Variants in DDX10 observed in about 807,000 individuals in gnomAD.
DDX10 encodes probable ATP-dependent RNA helicase DDX10.
DDX10 carries 74 observed loss-of-function variants against 104.3 expected under a neutral mutation model. The ratio of observed to expected loss-of-function variants is 0.71; its 90% CI spans 0.59 to 0.86. DDX10 has a LOEUF of 0.86. Among genes scored for constraint, DDX10 ranks in the 40% least tolerant of loss-of-function variants. The pLI is 0.00. For missense variants in DDX10, 952 were observed against 1,040.0 expected (o/e 0.92, Z 1.16); for synonymous variants, 351 against 353.4 (o/e 0.99, Z 0.08).
At chr11:108,676,139 C>T (rs766888761) in intron 3 of DDX10, among the ~76,000 whole-genome samples, 1 of 152,180 alleles carries the variant, frequency 6.6e-6, no homozygotes, top group Non-Finnish European at 1.5e-5. Flanking sequence ...GAAATATGCT[C>T]AGTTTAAGGA....
intron 13 of DDX10, among the ~76,000 whole-genome samples, chr11:108,781,240 ACT>A (rs1313838435): frequency 6.6e-6 from 1 of 150,806 alleles, no homozygotes; most frequent in African/African-American, 2.4e-5. Context: ...ACATGATTTC[ACT>A]CTTTTTTATG....
At chr11:108,801,806 T>A (rs1213241480) in intron 13 of DDX10, among the ~76,000 whole-genome samples, 9 of 152,228 alleles carry the variant, frequency 5.9e-5, no homozygotes, top group Non-Finnish European at 1.2e-4. Flanking sequence ...TAACTGTCTT[T>A]CACCACAATT....
chr11:108,908,838 A>C lies in DDX10; in HGVS notation c.2305-9035A>C, dbSNP rs115244809. Among the ~76,000 whole-genome samples the C allele has an allele frequency of 2.8e-4, 42 of 152,312 alleles. 1 individual carries two copies. Among genetic ancestry groups the C allele is most frequent in the African/African-American group, 1.0e-3 (42 of 41,574 alleles). On this transcript the variant is annotated intron_variant, in intron 16 of 17. Coordinates refer to ENST00000322536, the MANE Select transcript of DDX10 (RefSeq NM_004398.4). The stretch of plus-strand genomic sequence containing the variant: ...GCCAGGTACTCTAAGTGCTTTACCT[A>C]TGTTGTTTCATTTCACCTGCACAGT...
At chr11:108,847,245 CAG>C (rs1442070312) in intron 15 of DDX10, among the ~76,000 whole-genome samples, 4 of 152,146 alleles carry the variant, frequency 2.6e-5, no homozygotes, top group Non-Finnish European at 5.9e-5. Flanking sequence ...ATAATTCAGT[CAG>C]AACTGTTGAA....
intron 13 of DDX10, among the ~76,000 whole-genome samples, chr11:108,830,615 G>C (rs150849103): frequency 1.3e-5 from 2 of 152,204 alleles, no homozygotes; most frequent in African/African-American, 4.8e-5. Context: ...GGGCATCCTT[G>C]TCTTGTTCCA....
chr11:108,713,805 G>T (rs1217590969), intron 10 of DDX10, among the ~76,000 whole-genome samples: 2 of 152,176 alleles, frequency 1.3e-5, no homozygotes, highest in Non-Finnish European at 2.9e-5. Context: ...TAAGGTGTGA[G>T]AGGGTGGGGG....
chr11:108,678,267 T>C, intron 4 of DDX10, 48 bp from the exon 5 acceptor site: 1 of 1,581,200 alleles, frequency 6.3e-7, no homozygotes, highest in Non-Finnish European at 8.6e-7. Context: ...GTACACAGGC[T>C]GCTGAGAGTG....
rs1328717925 is a variant in DDX10 at position 108,815,963 on chromosome 11, A to G, written c.1966-22483A>G. On this transcript the variant is annotated intron_variant, in intron 13 of 17. Transcript: ENST00000322536. ...TCAGGTCAGGTTTTTGTCCCTGCCA[A>G]TCTGTTGAAACTTTTCTTGCTATGG... 7.9e-5 allele frequency among the ~76,000 whole-genome samples: 12 copies of G among 152,008 alleles called. No individual in the cohort carries two copies. In the East Asian group the frequency reaches 9.6e-4, roughly 12 times the overall value.
intron 13 of DDX10, among the ~76,000 whole-genome samples, chr11:108,742,146 G>A (rs1253309744): frequency 6.6e-6 from 1 of 152,064 alleles, no homozygotes; most frequent in African/African-American, 2.4e-5. Context: ...TATAATCTCA[G>A]CTACTCGGGA....
intron 13 of DDX10, among the ~76,000 whole-genome samples, chr11:108,750,690 A>C (rs1218432049): frequency 6.6e-6 from 1 of 151,794 alleles, no homozygotes; most frequent in African/African-American, 2.4e-5. Context: ...TTATGGTACG[A>C]ATTGAATTAG....
intron 13 of DDX10, among the ~76,000 whole-genome samples, chr11:108,758,680 A>G (rs1466709433): frequency 1.3e-5 from 2 of 152,024 alleles, no homozygotes; most frequent in African/African-American, 4.8e-5. Flanking sequence ...CAGTGGGTCA[A>G]GTGCCAAATT....
chr11:108,904,412 G>A (rs1235071011), intron 16 of DDX10, among the ~76,000 whole-genome samples: 2 of 152,146 alleles, frequency 1.3e-5, no homozygotes, highest in African/African-American at 2.4e-5. Context: ...CTTTTTGAAT[G>A]CACATGGTTA....
intron 17 of DDX10, among the ~76,000 whole-genome samples, chr11:108,939,177 T>G (rs780418395): frequency 6.6e-6 from 1 of 152,208 alleles, no homozygotes; most frequent in African/African-American, 2.4e-5. Context: ...TAACTAAAGG[T>G]CTGACTGTGT....
intron 16 of DDX10, among the ~76,000 whole-genome samples, chr11:108,862,032 T>G (rs994009272): frequency 6.6e-6 from 1 of 152,212 alleles, no homozygotes; most frequent in South Asian, 2.1e-4. Flanking sequence ...CTTTCATCAA[T>G]CTAATCAACA....
At position 108,691,964 on chromosome 11, in the gene DDX10, T is replaced by C; in HGVS notation, c.1064T>C (p.Met355Thr). The C allele has an allele frequency of 6.2e-7, 1 of 1,614,178 alleles. No homozygotes were observed. Among genetic ancestry groups the C allele is most frequent in the East Asian group, 2.2e-5 (1 of 44,890 alleles). ...LHGRQQQMRR[M>T]EVYNEFVRKR... is the part of the protein sequence containing the mutation. ...GGTCGACAGCAGCAAATGAGAAGAATGGAAGTCTATAATGAGTTTGTCCGT... is the reference window on the plus strand; with the variant it reads ...GGTCGACAGCAGCAAATGAGAAGAACGGAAGTCTATAATGAGTTTGTCCGT... Residue 355 changes from methionine to threonine, a missense_variant, in exon 8 of 18, where the codon ATG (methionine) becomes ACG (threonine). Transcript: ENST00000322536.
chr11:108,679,334 T>C, intron 5 of DDX10, 37 bp from the exon 6 acceptor site: 2 of 1,522,758 alleles, frequency 1.3e-6, no homozygotes, highest in South Asian at 1.3e-5. Context: ...ATGTATATTT[T>C]ACATATGATA....
intron 16 of DDX10, among the ~76,000 whole-genome samples, chr11:108,888,728 T>C (rs1327817912): frequency 6.6e-6 from 1 of 151,992 alleles, no homozygotes. Context: ...GGTAATAGAC[T>C]AGACGTGGGA....
At chr11:108,825,179 CTT>C (rs1382539187) in intron 13 of DDX10, among the ~76,000 whole-genome samples, 4 of 151,834 alleles carry the variant, frequency 2.6e-5, no homozygotes, top group Non-Finnish European at 4.4e-5. Context: ...AATTAAGAAA[CTT>C]ATGTTAATTC....
At chr11:108,675,849 G>T (rs773722527) in intron 3 of DDX10, 123 bp downstream of exon 3, 1 of 1,284,558 alleles carries the variant, frequency 7.8e-7, no homozygotes, top group East Asian at 2.4e-5. Context: ...GCTAGAATGC[G>T]AGCTTCATCA....
Sources: gnomAD v4.1 joint callset for allele counts (sites outside exome capture counted in the v4.1 genomes callset) on GRCh38, gnomAD v4.1.1 for gene constraint, MANE v1.5 for transcripts, NCBI Gene and HGNC (gene_info 2026-07-23, HGNC 2026-07-21) for gene names.